MTR: variants seen among roughly 807,000 people sequenced by gnomAD.
MTR encodes methionine synthase.
In MTR, 84 loss-of-function variants were observed where a neutral mutation model predicts 154.8. The ratio of observed to expected loss-of-function variants is 0.54; its 90% CI spans 0.45 to 0.65. The LOEUF (loss-of-function observed/expected upper bound fraction) is 0.65, where lower values mean the gene tolerates loss of function less well. Among genes scored for constraint, MTR ranks in the 30% least tolerant of loss-of-function variants. The probability of loss-of-function intolerance (pLI) is 0.00; values close to 1 mark genes in which losing one functional copy is unlikely to be tolerated. For synonymous variants in MTR, 554 were observed against 553.9 expected (o/e 1.00, Z 0.00); for missense variants, 1,275 against 1,570.2 (o/e 0.81, Z 3.18).
At position 236,795,796 on chromosome 1, in the gene MTR, T is replaced by C. The variant is rs572962331; in HGVS notation, c.34+59T>C. The C allele has an allele frequency of 2.8e-5, 45 of 1,611,946 alleles. 1 individual carries two copies. In the South Asian group the frequency reaches 4.7e-4, roughly 17 times the overall value. On this transcript the variant is annotated intron_variant, in intron 1 of 32. Coordinates refer to ENST00000366577, the MANE Select transcript of MTR (RefSeq NM_000254.3). ...GTGTTTCTTAACTCGTGCTGTGGCC[T>C]CCTAATCCCTGGGGCGATTCCCTTC...
intron 29 of MTR, among the ~76,000 whole-genome samples, chr1:236,891,860 GAGA>G (rs1386720086): frequency 6.6e-6 from 1 of 152,128 alleles, no homozygotes; most frequent in Non-Finnish European, 1.5e-5. Flanking sequence ...GTGTTTTACA[GAGA>G]AGATGAAGGA....
At chr1:236,800,395 C>T (rs924877880) in intron 1 of MTR, 1 of 985,366 alleles carries the variant, frequency 1.0e-6, no homozygotes, top group African/African-American at 1.7e-5. Context: ...ATTCAGTCAC[C>T]CACTTAAGTT....
In MTR at chr1:236,795,611, C is replaced by G. The variant is rs747029081; in HGVS notation, c.-93C>G. ...CCCGGGCCTTGTGTGGCAGGCTCGCCTGGCGCTGGCTGGCGTGGCCCTTGG... is the reference window on the plus strand; with the variant it reads ...CCCGGGCCTTGTGTGGCAGGCTCGCGTGGCGCTGGCTGGCGTGGCCCTTGG... On this transcript the variant is annotated 5_prime_UTR_variant, in exon 1 of 33. Transcript: ENST00000366577. 1.2e-6 allele frequency: 2 copies of G among 1,601,086 alleles called. No individual in the cohort carries two copies. Among genetic ancestry groups the G allele is most frequent in the Non-Finnish European group, 1.7e-6 (2 of 1,177,314 alleles).
rs1045567288 is a variant in MTR, at chr1:236,835,430, T to C, written c.1189-117T>C. ...ACAGCAGGCCCGGAGTCAGGGAGTC[T>C]GGCGAGGTAGTCTGTGTAATTTGAA... On this transcript the variant is annotated intron_variant, in intron 13 of 32. Coordinates refer to ENST00000366577, the MANE Select transcript of MTR (RefSeq NM_000254.3). 3.8e-6 allele frequency: 5 copies of C among 1,301,674 alleles called. No individual in the cohort carries two copies. In the African/African-American group the frequency reaches 5.8e-5, roughly 15 times the overall value. 80.6% of individuals were successfully genotyped at this position (1,301,674 alleles called of 1,614,324 possible).
intron 13 of MTR, 105 bp from the exon 14 acceptor site, chr1:236,835,442 C>A: frequency 7.1e-7 from 1 of 1,410,926 alleles, no homozygotes; most frequent in East Asian, 2.3e-5. Flanking sequence ...GCGAGGTAGT[C>A]TGTGTAATTT....
chr1:236,800,090 T>A, intron 1 of MTR: 6 of 985,370 alleles, frequency 6.1e-6, no homozygotes, highest in Non-Finnish European at 7.2e-6. Context: ...AAGGGCCCCA[T>A]GGAAAAGTAC....
chr1:236,865,972 T>C (rs1318266729), intron 22 of MTR, among the ~76,000 whole-genome samples: 1 of 152,210 alleles, frequency 6.6e-6, no homozygotes, highest in African/African-American at 2.4e-5. Flanking sequence ...GCAAGTGTCA[T>C]GGGCAAGCAC....
intron 28 of MTR, among the ~76,000 whole-genome samples, chr1:236,890,138 A>G (rs552217399): frequency 1.4e-5 from 2 of 145,026 alleles, no homozygotes; most frequent in South Asian, 2.1e-4. Flanking sequence ...CCTTTTGCCA[A>G]GTTTCCCACG....
chr1:236,844,453 CGTGT>C (rs58179715), intron 15 of MTR, among the ~76,000 whole-genome samples: 12,550 of 144,898 alleles, frequency 0.087, 620 homozygotes, highest in East Asian at 0.13. Context: ...TCAGAAAGGG[CGTGT>C]GTGTGTGTGT....
rs778696165 is a variant in MTR, at chr1:236,838,494, T to C, written c.1410T>C (p.Asn470=). Residue 470 remains asparagine, a synonymous_variant, in exon 15 of 33, where the codon AAT becomes AAC. Coordinates refer to ENST00000366577, the MANE Select transcript of MTR (RefSeq NM_000254.3). ...LKCCQGKCIV[N]SISLKEGEDD... Reference sequence around the variant, plus strand: ...GCTGCCAAGGGAAGTGCATTGTCAATAGCATTAGTCTGAAGGAAGGAGAGG... The same window carrying C: ...GCTGCCAAGGGAAGTGCATTGTCAACAGCATTAGTCTGAAGGAAGGAGAGG... 3 of 1,614,128 alleles carry C rather than the reference T, an allele frequency of 1.9e-6. No individual in the cohort carries two copies. The highest frequency in any genetic ancestry group is 2.5e-6 in the Non-Finnish European group (3 of 1,180,014).
At chr1:236,895,621 T>G in intron 31 of MTR, 71 bp downstream of exon 31, 1 of 1,482,034 alleles carries the variant, frequency 6.7e-7, no homozygotes, top group African/African-American at 1.4e-5. Context: ...TACTGGCACT[T>G]AGGGTTAAAC....
chr1:236,848,406 C>CT (rs1416287566), intron 15 of MTR, among the ~76,000 whole-genome samples: 13 of 152,162 alleles, frequency 8.5e-5, no homozygotes, highest in Admixed American at 8.5e-4. Flanking sequence ...GCCCCTGTGC[C>CT]TTCTCTCTTA....
At chr1:236,886,184 G>A (rs756215840) in intron 26 of MTR, 108 bp from the exon 27 acceptor site, 17 of 859,896 alleles carry the variant, frequency 2.0e-5, no homozygotes, top group Non-Finnish European at 2.9e-5. Flanking sequence ...ATGAATAAGA[G>A]CATTTGCTTT....
chr1:236,860,034 C>A, intron 19 of MTR, 112 bp downstream of exon 19: 1 of 683,628 alleles, frequency 1.5e-6, no homozygotes, highest in Non-Finnish European at 2.5e-6. Context: ...CACTGATTCT[C>A]AACCTGGGGA....
Position 236,837,944 on chromosome 1 carries a change from ACT to A in MTR, c.1330-467_1330-466del, listed in dbSNP as rs570530401. On this transcript the variant is annotated intron_variant, in intron 14 of 32. Coordinates refer to ENST00000366577, the MANE Select transcript of MTR (RefSeq NM_000254.3). ...TCTGCTTTTCCTTTCTAATATTAAA[ACT>A]CTTTTTTTGTTTTTTTTCAGTAAAG... 3.7e-4 allele frequency among the ~76,000 whole-genome samples: 56 copies of A among 151,338 alleles called. 1 individual carries two copies. The highest frequency in any genetic ancestry group is 1.3e-3 in the African/African-American group (55 of 41,234).
At chr1:236,812,322 CAG>C (rs774821999) in intron 5 of MTR, among the ~76,000 whole-genome samples, 7 of 152,384 alleles carry the variant, frequency 4.6e-5, no homozygotes, top group Non-Finnish European at 1.0e-4. Flanking sequence ...CCCTTTATCA[CAG>C]AGAGTGACTT....
intron 5 of MTR, 126 bp from the exon 6 acceptor site, chr1:236,812,612 A>G (rs1661369033): frequency 1.3e-5 from 10 of 786,260 alleles, no homozygotes; most frequent in Admixed American, 1.1e-4. Context: ...ACAAAAGATC[A>G]TGTTCTTAAA....
At chr1:236,804,654 T>TA (rs937859442) in intron 2 of MTR, among the ~76,000 whole-genome samples, 2 of 152,080 alleles carry the variant, frequency 1.3e-5, no homozygotes, top group African/African-American at 2.4e-5. Flanking sequence ...CTTGTTCTTT[T>TA]AAAAAAAACT....
Position 236,815,658 on chromosome 1 carries a change from A to G in MTR, c.664A>G (p.Ile222Val), listed in dbSNP as rs1249136110. Residue 222 changes from isoleucine (I) to valine (V), a missense_variant, in exon 7 of 33, where the codon ATC (isoleucine) becomes GTC (valine). By Grantham distance (29) the Ile-to-Val change is conservative (BLOSUM62 3). Transcript: ENST00000366577. ...TGAGGAGAAATATGCTCCCCGGCCT[A>G]TCTTTGTAAGTTCTAAAGTGTTTGC... is the stretch of plus-strand genomic sequence containing the variant. ...LFEEKYAPRP[I>V]FISGTIVDKS... The G allele has an allele frequency of 4.3e-6, 7 of 1,611,738 alleles. No individual in the cohort carries two copies. Among genetic ancestry groups the G allele is most frequent in the African/African-American group, 2.7e-5 (2 of 73,886 alleles).
Sources: allele counts gnomAD v4.1 joint callset (sites outside exome capture counted in the v4.1 genomes callset), GRCh38; gene constraint gnomAD v4.1.1; transcripts MANE v1.5; gene names NCBI Gene and HGNC (gene_info 2026-07-23, HGNC 2026-07-21).